The following ACTA2 variants were observed in gnomAD, a reference collection of about 807,000 sequenced individuals.
ACTA2 encodes the protein actin alpha 2, smooth muscle.
ACTA2 carries 12 observed loss-of-function variants against 39.5 expected under a neutral mutation model. The observed-to-expected ratio is 0.30, with a 90% confidence interval of 0.19 to 0.49. The LOEUF (loss-of-function observed/expected upper bound fraction) is 0.49. Ranked by LOEUF, ACTA2 falls within the 20% of genes least tolerant of loss-of-function variation. The pLI, the probability that ACTA2 is intolerant of heterozygous loss-of-function variation, is 0.99. For synonymous variants in ACTA2, 158 were observed against 180.6 expected, an observed-to-expected ratio of 0.88 and a Z score of 1.00; for missense variants, 236 against 498.8, an observed-to-expected ratio of 0.47 and a Z score of 5.02.
Position 88,941,288 on chromosome 10 carries a change from T to A in ACTA2, c.557A>T (p.Asp186Val). Reference sequence around the variant, plus strand: ...GATCTTCATGAGGTAGTCAGTGAGATCTCGGCCAGCCAGATCCAGACGCAT... The same window carrying A: ...GATCTTCATGAGGTAGTCAGTGAGAACTCGGCCAGCCAGATCCAGACGCAT... The part of the protein sequence containing the change: ...AIMRLDLAGR[D>V]LTDYLMKILT... The change falls in exon 6 of 9, where the codon GAT (aspartate) becomes GTT (valine). Residue 186 changes from aspartate (D) to valine (V), a missense_variant. Coordinates refer to ENST00000224784, the MANE Select transcript of ACTA2 (RefSeq NM_001613.4). The A allele has an allele frequency of 6.2e-7, 1 of 1,611,376 alleles. No individual in the cohort carries two copies. The highest frequency in any genetic ancestry group is 8.5e-7 in the Non-Finnish European group (1 of 1,178,992).
chr10:88,973,172 T>C, intron 1 of ACTA2: 8 of 1,610,542 alleles, frequency 5.0e-6, no homozygotes, highest in Non-Finnish European at 6.8e-6. Context: ...TTCTTCTGTG[T>C]GACCTATAGA....
Position 88,990,966 on chromosome 10 carries a change from G to A in ACTA2, c.-51C>T. The A allele has an allele frequency of 1.2e-6, 2 of 1,612,046 alleles. No homozygotes were observed. The highest frequency in any genetic ancestry group is 3.3e-5 in the Admixed American group (2 of 59,994). Reference sequence around the variant, plus strand: ...CGTCTTAGTCCCGGGGATAGGCAAAGTGGGGCGGGCGCGGGACGCGTGCGG... The same window carrying A: ...CGTCTTAGTCCCGGGGATAGGCAAAATGGGGCGGGCGCGGGACGCGTGCGG... On this transcript the variant is annotated 5_prime_UTR_variant, in exon 1 of 5. Coordinates refer to the ACTA2 transcript ENST00000415557. This position sits in a 1 kb window ranked among gnomAD's most constrained non-coding sequence, Gnocchi z 4.9.
intron 1 of ACTA2, among the ~76,000 whole-genome samples, chr10:88,967,878 T>A (rs920624317): frequency 1.1e-4 from 17 of 152,222 alleles, no homozygotes; most frequent in Non-Finnish European, 2.4e-4. Flanking sequence ...GAGAAACTAC[T>A]TGAAATAAAT....
At chr10:88,977,513 A>T (rs1428231779) in intron 1 of ACTA2, among the ~76,000 whole-genome samples, 1 of 152,194 alleles carries the variant, frequency 6.6e-6, no homozygotes, top group South Asian at 2.1e-4. Context: ...ACAAAGGGCT[A>T]ATATCCAGAA....
intron 1 of ACTA2, among the ~76,000 whole-genome samples, chr10:88,988,429 T>G (rs944379421): frequency 3.0e-5 from 1 of 32,796 alleles, no homozygotes; most frequent in Non-Finnish European, 6.3e-5. Flanking sequence ...TTTTTTTTTT[T>G]TTGTTTTGTT....
At chr10:88,953,566 T>A (rs529189358), upstream of ACTA2, among the ~76,000 whole-genome samples, 1 of 152,306 alleles carries the variant, frequency 6.6e-6, no homozygotes, top group South Asian at 2.1e-4. Context: ...AAAGGAAGCC[T>A]CTGTAGCCCT....
rs879053370 is a variant in ACTA2, at chr10:88,935,525, T to C, written c.991-159A>G. 4 of 796,734 alleles carry C rather than the reference T, an allele frequency of 5.0e-6. No individual in the cohort carries two copies. The South Asian group carries it at 6.1e-5, about 12-fold the overall frequency. The allele number at this position is 796,734 out of a possible 1,614,324, so 49.4% of individuals were successfully genotyped here. ...TGCCAATTGTGTCCTAATTGTGTCA[T>C]GTTCTTGGCAGGACCGCCAGAGGGA... On this transcript the variant is annotated intron_variant, in intron 8 of 8. Transcript: ENST00000224784.
chr10:88,979,275 AAAT>A (rs1311532088), intron 1 of ACTA2, among the ~76,000 whole-genome samples: 3 of 152,070 alleles, frequency 2.0e-5, no homozygotes, highest in Non-Finnish European at 4.4e-5. Flanking sequence ...AGAAAAAAAA[AAAT>A]GAGGTCAGCG....
At chr10:88,962,910 CCCATATATATATAT>C (rs1846250303) in intron 1 of ACTA2, among the ~76,000 whole-genome samples, 8 of 89,546 alleles carry the variant, frequency 8.9e-5, no homozygotes, top group Non-Finnish European at 1.5e-4. Flanking sequence ...AGGGGAATGC[CCCATATATATATAT>C]ATATATATAT....
upstream of ACTA2, among the ~76,000 whole-genome samples, chr10:88,955,031 AAAGAAG>A (rs1215209958): frequency 3.3e-5 from 5 of 151,350 alleles, no homozygotes; most frequent in Non-Finnish European, 1.5e-5. Context: ...AAAAAAAAAA[AAAGAAG>A]AAGAAGGAAA....
intron 1 of ACTA2, among the ~76,000 whole-genome samples, chr10:88,979,561 C>T (rs1589424098): frequency 6.6e-6 from 1 of 152,004 alleles, no homozygotes; most frequent in African/African-American, 2.4e-5. Context: ...GAGAGTCTCA[C>T]ACTAGGGCTG....
Position 88,990,924 on chromosome 10 carries a change from C to G in ACTA2, c.-24+15G>C. On this transcript the variant is annotated intron_variant, in intron 1 of 4. Coordinates refer to the ACTA2 transcript ENST00000415557. This position sits in a 1 kb window ranked among gnomAD's most constrained non-coding sequence, Gnocchi z 4.9. ...TACCTCTGGTGAGCCCTCTCCTGCC[C>G]GGGTGGAGGCTTACCCCGTCTTAGT... The G allele has an allele frequency of 6.2e-7, 1 of 1,614,174 alleles. No individual in the cohort carries two copies. The highest frequency in any genetic ancestry group is 8.5e-7 in the Non-Finnish European group (1 of 1,180,000).
chr10:88,963,322 G>A (rs989555467), intron 1 of ACTA2, among the ~76,000 whole-genome samples: 1 of 151,914 alleles, frequency 6.6e-6, no homozygotes, highest in African/African-American at 2.4e-5. Context: ...AGAGGGGAAT[G>A]GAACTTACAT....
At chr10:88,986,736 A>G (rs1749409401) in intron 1 of ACTA2, among the ~76,000 whole-genome samples, 1 of 151,958 alleles carries the variant, frequency 6.6e-6, no homozygotes, top group Non-Finnish European at 1.5e-5. Context: ...TACAGGAAGG[A>G]AGTAGTGCAG....
Position 88,943,894 on chromosome 10 carries a change from G to T in ACTA2, c.272C>A (p.Ser91Tyr), listed in dbSNP as rs1265886569. 1 of 1,613,866 alleles carries T rather than the reference G, an allele frequency of 6.2e-7. No individual in the cohort carries two copies. The highest frequency in any genetic ancestry group is 8.5e-7 in the Non-Finnish European group (1 of 1,179,912). Residue 91 changes from serine (S) to tyrosine (Y), a missense_variant, in exon 4 of 9, where the codon TCT becomes TAT. Physicochemically the swap from Ser to Tyr is moderately radical, Grantham distance 144. Coordinates refer to ENST00000224784, the MANE Select transcript of ACTA2 (RefSeq NM_001613.4). ...WDDMEKIWHH[S>Y]FYNELRVAPE... ...GGCAACACGAAGCTCATTGTAGAAA[G>T]AGTGGTGCCAGATCTAGTGAGTTGG... is the stretch of plus-strand genomic sequence containing the variant.
chr10:88,985,502 C>A (rs1207428010), intron 1 of ACTA2, among the ~76,000 whole-genome samples: 1 of 152,234 alleles, frequency 6.6e-6, no homozygotes, highest in Non-Finnish European at 1.5e-5. Flanking sequence ...CCTCCCCTGC[C>A]CATTCTCCTC....
At chr10:88,980,198 A>G (rs1846676020) in intron 1 of ACTA2, among the ~76,000 whole-genome samples, 1 of 151,858 alleles carries the variant, frequency 6.6e-6, no homozygotes, top group Non-Finnish European at 1.5e-5. Context: ...TGAGTGGAAC[A>G]TGAGCAGGAA....
chr10:88,982,578 G>T (rs1177181580), intron 1 of ACTA2, among the ~76,000 whole-genome samples: 1 of 152,152 alleles, frequency 6.6e-6, no homozygotes, highest in East Asian at 1.9e-4. Flanking sequence ...TATCCTGATT[G>T]GCTGAGGGAG....
intron 6 of ACTA2, 41 bp from the exon 7 acceptor site, chr10:88,939,739 T>G (rs1472516910): frequency 6.2e-7 from 1 of 1,609,134 alleles, no homozygotes; most frequent in South Asian, 1.1e-5. Flanking sequence ...CATTAGGGTC[T>G]GCACAGGTGG....
Sources: gnomAD v4.1 joint callset for allele counts (sites outside exome capture counted in the v4.1 genomes callset) on GRCh38, gnomAD v4.1.1 for gene constraint, Gnocchi (gnomAD v3.1) non-coding constraint, MANE v1.5 for transcripts, NCBI Gene and HGNC (gene_info 2026-07-23, HGNC 2026-07-21) for gene names.